ITGA9: variants seen among roughly 807,000 people sequenced by gnomAD.
The protein encoded by ITGA9 is integrin subunit alpha 9.
Under a neutral mutation model 127.8 loss-of-function variants are expected in ITGA9, and 56 were observed. That is an observed-to-expected ratio of 0.44 (90% CI 0.35 to 0.55). ITGA9 has a LOEUF of 0.55. Among genes scored for constraint, ITGA9 ranks in the 20% least tolerant of loss-of-function variants. ITGA9 has a pLI of 0.00. For synonymous variants in ITGA9, 508 were observed against 514.5 expected (o/e 0.99, Z 0.17); for missense variants, 1,196 against 1,347.1 (o/e 0.89, Z 1.76).
chr3:37,810,346 A>G (rs1697351744), intron 27 of ITGA9, among the ~76,000 whole-genome samples: 1 of 152,214 alleles, frequency 6.6e-6, no homozygotes, highest in African/African-American at 2.4e-5. Context: ...GGCAAAGAGT[A>G]GTAGGTCCCT....
intron 27 of ITGA9, among the ~76,000 whole-genome samples, chr3:37,816,107 A>G (rs1445661574): frequency 1.3e-5 from 2 of 152,108 alleles, no homozygotes; most frequent in Non-Finnish European, 2.9e-5. Flanking sequence ...AATAGACTCC[A>G]CCTCACGATG....
intron 14 of ITGA9, among the ~76,000 whole-genome samples, chr3:37,534,301 A>T (rs1269458579): frequency 6.6e-6 from 1 of 152,266 alleles, no homozygotes; most frequent in Non-Finnish European, 1.5e-5. Context: ...TTTTAATGTC[A>T]TGAGTGACTC....
chr3:37,626,720 A>G (rs1441362226), intron 15 of ITGA9, among the ~76,000 whole-genome samples: 1 of 152,158 alleles, frequency 6.6e-6, no homozygotes, highest in East Asian at 1.9e-4. Flanking sequence ...CAGCTCAGGT[A>G]TTGTAAGGAT....
chr3:37,812,377 G>A (rs1268208859), intron 27 of ITGA9, among the ~76,000 whole-genome samples: 1 of 152,194 alleles, frequency 6.6e-6, no homozygotes, highest in Non-Finnish European at 1.5e-5. Flanking sequence ...GCCGCGGAGT[G>A]GGTAGGATCC....
intron 17 of ITGA9, among the ~76,000 whole-genome samples, chr3:37,659,545 T>A (rs990906349): frequency 1.3e-5 from 2 of 151,994 alleles, no homozygotes; most frequent in African/African-American, 4.8e-5. Flanking sequence ...ATTTATGTTC[T>A]TCTCTAAACT....
chr3:37,662,533 G>T (rs1379623410), intron 17 of ITGA9, among the ~76,000 whole-genome samples: 1 of 152,192 alleles, frequency 6.6e-6, no homozygotes, highest in Non-Finnish European at 1.5e-5. Flanking sequence ...TTTTGAGTTT[G>T]CTCCTCTCTC....
At chr3:37,528,252 C>T (rs1699114518) in intron 13 of ITGA9, among the ~76,000 whole-genome samples, 1 of 152,166 alleles carries the variant, frequency 6.6e-6, no homozygotes, top group South Asian at 2.1e-4. Flanking sequence ...GGAGTTTGCT[C>T]ACATATGGAT....
intron 15 of ITGA9, among the ~76,000 whole-genome samples, chr3:37,543,483 T>G (rs1278845944): frequency 6.6e-6 from 1 of 152,218 alleles, no homozygotes; most frequent in Non-Finnish European, 1.5e-5. Context: ...GATTAAACAT[T>G]ACACAATGAA....
At chr3:37,606,604 G>A (rs1163669729) in intron 15 of ITGA9, among the ~76,000 whole-genome samples, 6 of 152,158 alleles carry the variant, frequency 3.9e-5, no homozygotes, top group African/African-American at 1.4e-4. Flanking sequence ...AGGATTTGAG[G>A]GAATGCTGTG....
At chr3:37,766,864 G>T (rs2685103) in intron 23 of ITGA9, among the ~76,000 whole-genome samples, 3 of 152,238 alleles carry the variant, frequency 2.0e-5, no homozygotes, top group Non-Finnish European at 4.4e-5. Context: ...AGAATCTGAC[G>T]GCATCTGGAA....
intron 26 of ITGA9, among the ~76,000 whole-genome samples, chr3:37,798,625 C>T (rs756510988): frequency 2.6e-5 from 4 of 152,136 alleles, no homozygotes; most frequent in Non-Finnish European, 2.9e-5. Flanking sequence ...TATTAACTTA[C>T]GGAAGGCTGA....
At chr3:37,612,899 C>T (rs370871574) in intron 15 of ITGA9, among the ~76,000 whole-genome samples, 27 of 151,800 alleles carry the variant, frequency 1.8e-4, no homozygotes, top group East Asian at 9.7e-4. Flanking sequence ...AAACATGACC[C>T]TGAGGAGGCC....
intron 4 of ITGA9, among the ~76,000 whole-genome samples, chr3:37,483,833 C>CA (rs144852530): frequency 0.11 from 17,103 of 152,232 alleles, 1,082 homozygotes; most frequent in Middle Eastern, 0.16. Flanking sequence ...AGTGGAGACT[C>CA]AGAGTGTATG....
chr3:37,646,334 T>C (rs1414768178), intron 16 of ITGA9, among the ~76,000 whole-genome samples: 2 of 152,216 alleles, frequency 1.3e-5, no homozygotes, highest in African/African-American at 4.8e-5. Context: ...CAGAAAAAGT[T>C]GCCAGCCTTG....
At chr3:37,697,800 G>A (rs1045465293) in intron 18 of ITGA9, among the ~76,000 whole-genome samples, 17 of 152,196 alleles carry the variant, frequency 1.1e-4, no homozygotes, top group Non-Finnish European at 1.8e-4. Context: ...AAACATACGT[G>A]TGCATGTTCT....
intron 6 of ITGA9, among the ~76,000 whole-genome samples, chr3:37,505,703 G>A (rs963915354): frequency 1.4e-4 from 22 of 152,120 alleles, no homozygotes; most frequent in Non-Finnish European, 2.2e-4. Flanking sequence ...TGACCTTACC[G>A]TATGAAAACT....
chr3:37,780,907 C>G (rs1213927727), intron 25 of ITGA9, among the ~76,000 whole-genome samples: 1 of 152,170 alleles, frequency 6.6e-6, no homozygotes, highest in Non-Finnish European at 1.5e-5. Context: ...CCAGCAAGTG[C>G]CATTGGTAAT....
At chr3:37,472,817 T>TA (rs1481245842) in intron 2 of ITGA9, among the ~76,000 whole-genome samples, 1 of 152,162 alleles carries the variant, frequency 6.6e-6, no homozygotes, top group Non-Finnish European at 1.5e-5. Flanking sequence ...AGAACATAAA[T>TA]CAAGGCCCTG....
chr3:37,639,193 A>G (rs761757591), intron 16 of ITGA9, among the ~76,000 whole-genome samples: 1 of 152,248 alleles, frequency 6.6e-6, no homozygotes, highest in Non-Finnish European at 1.5e-5. Flanking sequence ...CAGGAAAAAG[A>G]CAACCTTTTT....
Sources: gnomAD v4.1 joint callset for allele counts (sites outside exome capture counted in the v4.1 genomes callset) on GRCh38, gnomAD v4.1.1 for gene constraint, MANE v1.5 for transcripts, NCBI Gene and HGNC (gene_info 2026-07-23, HGNC 2026-07-21) for gene names.